XPO1: variants seen among roughly 807,000 people sequenced by gnomAD.
XPO1 encodes the protein exportin-1.
XPO1 carries 5 observed loss-of-function variants against 133.3 expected under a neutral mutation model. The ratio of observed to expected loss-of-function variants is 0.04; its 90% confidence interval spans 0.02 to 0.08. The LOEUF is 0.08. Among genes scored for constraint, XPO1 ranks in the 10% least tolerant of loss-of-function variants. The probability of loss-of-function intolerance (pLI) is 1.00; values close to 1 mark genes in which losing one functional copy is unlikely to be tolerated. For synonymous variants in XPO1, 419 were observed against 408.2 expected (o/e 1.03, Z -0.32); for missense variants, 506 against 1,267.5 (o/e 0.40, Z 9.12).
At chr2:61,482,034 C>CTTTTTTTTTTTTTTTTTTTTTTTTTT (rs1195049382) in intron 23 of XPO1, among the ~76,000 whole-genome samples, 1 of 71,366 alleles carries the variant, frequency 1.4e-5, no homozygotes, top group African/African-American at 4.9e-5. Context: ...CGTGCGTGGC[C>CTTTTTTTTTTTTTTTTTTTTTTTTTT]TTTTTTTTTT....
At chr2:61,523,515 G>C (rs911109263) in intron 3 of XPO1, among the ~76,000 whole-genome samples, 2 of 152,178 alleles carry the variant, frequency 1.3e-5, no homozygotes, top group East Asian at 3.8e-4. Context: ...TGACCAATTA[G>C]TGTGGATAGG....
At chr2:61,487,940 T>G (rs948133114) in intron 19 of XPO1, among the ~76,000 whole-genome samples, 4 of 152,226 alleles carry the variant, frequency 2.6e-5, no homozygotes, top group Non-Finnish European at 5.9e-5. Context: ...CTTAGCTATC[T>G]TGTTACATAT....
intron 19 of XPO1, among the ~76,000 whole-genome samples, chr2:61,486,582 A>T (rs1158910419): frequency 1.3e-5 from 2 of 151,990 alleles, no homozygotes; most frequent in African/African-American, 2.4e-5. Context: ...CAGCCTATCG[A>T]GTAGCTGGGA....
At chr2:61,524,226 A>G (rs542110940) in intron 3 of XPO1, among the ~76,000 whole-genome samples, 2 of 152,358 alleles carry the variant, frequency 1.3e-5, no homozygotes, top group East Asian at 3.9e-4. Context: ...TCAATTAAAA[A>G]GCCTTTAAAA....
chr2:61,479,439 C>G (rs1259862760), intron 24 of XPO1, among the ~76,000 whole-genome samples: 1 of 140,246 alleles, frequency 7.1e-6, no homozygotes, highest in Non-Finnish European at 1.6e-5. Flanking sequence ...GTGATAAAAG[C>G]GAGACTGTGC....
intron 4 of XPO1, among the ~76,000 whole-genome samples, chr2:61,514,864 C>G (rs1293549287): frequency 6.6e-6 from 1 of 151,882 alleles, no homozygotes; most frequent in Non-Finnish European, 1.5e-5. Flanking sequence ...CACCTGAGGT[C>G]GGGAGTTTGA....
intron 23 of XPO1, 68 bp from the exon 24 acceptor site, chr2:61,481,349 A>T: frequency 1.6e-5 from 19 of 1,215,736 alleles, no homozygotes; most frequent in Non-Finnish European, 2.2e-5. Context: ...TTGCTCTGTC[A>T]CCAGGCTGGA....
intron 2 of XPO1, among the ~76,000 whole-genome samples, chr2:61,531,636 C>A (rs939010300): frequency 2.0e-5 from 3 of 152,106 alleles, no homozygotes; most frequent in African/African-American, 7.2e-5. Flanking sequence ...ATTAAATGCC[C>A]TTTTTCCCAA....
intron 2 of XPO1, among the ~76,000 whole-genome samples, chr2:61,532,179 G>C (rs889907129): frequency 6.6e-6 from 1 of 152,046 alleles, no homozygotes; most frequent in African/African-American, 2.4e-5. Flanking sequence ...CCAGGCTGGA[G>C]TGCAGTGGCG....
chr2:61,500,418 A>T (rs1697447204), intron 6 of XPO1, among the ~76,000 whole-genome samples: 1 of 151,814 alleles, frequency 6.6e-6, no homozygotes, highest in South Asian at 2.1e-4. Flanking sequence ...GTCTCTACTA[A>T]AAATACAAAA....
intron 5 of XPO1, 87 bp from the exon 6 acceptor site, chr2:61,502,127 C>G: frequency 6.7e-7 from 1 of 1,494,930 alleles, no homozygotes; most frequent in South Asian, 1.2e-5. Context: ...GATTACAGCT[C>G]TACTGTAAAT....
intron 4 of XPO1, among the ~76,000 whole-genome samples, chr2:61,518,237 A>G (rs1475589785): frequency 2.6e-5 from 4 of 151,918 alleles, no homozygotes; most frequent in African/African-American, 9.7e-5. Context: ...TGAGCAACAG[A>G]GTGAAACCCT....
chr2:61,487,798 G>A lies in XPO1; in HGVS notation c.2313+367C>T, dbSNP rs74828783. 3.2e-4 allele frequency among the ~76,000 whole-genome samples: 48 copies of A among 152,298 alleles called. No homozygotes were observed. The Middle Eastern group carries it at 0.014, about 43-fold the overall frequency. Reference sequence around the variant, plus strand: ...TCTGGGAAGCAATCACTTTGCTAAAGAGGTAAAGTAATGACAACTTTGTAG... The same window carrying A: ...TCTGGGAAGCAATCACTTTGCTAAAAAGGTAAAGTAATGACAACTTTGTAG... On this transcript the variant is annotated intron_variant, in intron 19 of 24. Coordinates refer to ENST00000401558, the MANE Select transcript of XPO1 (RefSeq NM_003400.4).
chr2:61,481,865 A>G (rs937387272), intron 23 of XPO1, among the ~76,000 whole-genome samples: 1 of 151,826 alleles, frequency 6.6e-6, no homozygotes, highest in South Asian at 2.1e-4. Context: ...CCTCCCAAGT[A>G]GCTGGGATTT....
chr2:61,508,592 CAAT>C lies in XPO1; in HGVS notation c.302-6285_302-6283del, dbSNP rs1325953337. 5.9e-5 allele frequency among the ~76,000 whole-genome samples: 9 copies of C among 152,310 alleles called. No individual in the cohort carries two copies. The East Asian group carries it at 1.7e-3, about 29-fold the overall frequency. ...ACCATCTGCCAAATTCTTTACACAG[CAAT>C]AATAATCTTATCCCTCAGAAACACC... On this transcript the variant is annotated intron_variant, in intron 4 of 24. Coordinates refer to ENST00000401558, the MANE Select transcript of XPO1 (RefSeq NM_003400.4).
intron 17 of XPO1, 150 bp downstream of exon 17, chr2:61,490,492 C>T: frequency 8.5e-7 from 1 of 1,176,708 alleles, no homozygotes; most frequent in Non-Finnish European, 1.2e-6. Context: ...AGCCACCACA[C>T]CTCGCCCAGA....
chr2:61,528,910 A>C (rs1343421081), intron 2 of XPO1, among the ~76,000 whole-genome samples: 2 of 152,068 alleles, frequency 1.3e-5, no homozygotes, highest in Admixed American at 6.6e-5. Context: ...TAACTCAATT[A>C]GATCCTTCCT....
At chr2:61,506,615 A>AAAAAAAAAG (rs1697830094) in intron 4 of XPO1, among the ~76,000 whole-genome samples, 1 of 149,530 alleles carries the variant, frequency 6.7e-6, no homozygotes, top group Non-Finnish European at 1.5e-5. Flanking sequence ...AAAAAAAAAA[A>AAAAAAAAAG]TCCAATGTTA....
At chr2:61,503,441 T>G (rs1194939579) in intron 4 of XPO1, among the ~76,000 whole-genome samples, 1 of 151,962 alleles carries the variant, frequency 6.6e-6, no homozygotes, top group Non-Finnish European at 1.5e-5. Context: ...TTTTTTTTTT[T>G]TGAGACAGAA....
Sources: allele counts gnomAD v4.1 joint callset (sites outside exome capture counted in the v4.1 genomes callset), GRCh38; gene constraint gnomAD v4.1.1; transcripts MANE v1.5; gene names NCBI Gene and HGNC (gene_info 2026-07-23, HGNC 2026-07-21).